The following HECW2 variants were observed in gnomAD, a reference collection of about 807,000 sequenced individuals.
HECW2 encodes the protein HECT, C2 and WW domain containing E3 ubiquitin protein ligase 2, also known as E3 ubiquitin-protein ligase HECW2.
A neutral mutation model predicts 175.2 loss-of-function variants in HECW2; 61 were observed. The ratio of observed to expected loss-of-function variants is 0.35; its 90% confidence interval spans 0.28 to 0.43. The LOEUF is 0.43. Ranked by LOEUF, HECW2 falls within the 20% of genes least tolerant of loss-of-function variation. The pLI is 1.00. For missense variants in HECW2, 1,524 were observed against 2,000.5 expected (o/e 0.76, Z 4.54); for synonymous variants, 671 against 731.0 (o/e 0.92, Z 1.32).
intron 17 of HECW2, among the ~76,000 whole-genome samples, chr2:196,265,602 A>C (rs887651391): frequency 1.3e-5 from 2 of 152,188 alleles, no homozygotes; most frequent in Non-Finnish European, 2.9e-5. Context: ...TGGTTTTTAG[A>C]ATTAGAGTAA....
At chr2:196,572,048 T>C (rs1690407385) in intron 1 of HECW2, among the ~76,000 whole-genome samples, 1 of 152,210 alleles carries the variant, frequency 6.6e-6, no homozygotes, top group Non-Finnish European at 1.5e-5. Flanking sequence ...AAATACTGTA[T>C]GAGTCCACTT....
At chr2:196,249,099 A>T (rs1174865246) in intron 19 of HECW2, among the ~76,000 whole-genome samples, 1 of 152,214 alleles carries the variant, frequency 6.6e-6, no homozygotes, top group African/African-American at 2.4e-5. Flanking sequence ...ACAAATTCTC[A>T]TACAGTTAAA....
rs1416108300 is a variant in HECW2 at position 196,278,571 on chromosome 2, T to C, written c.3092A>G (p.His1031Arg). Residue 1031 changes from histidine to arginine, a missense_variant, in exon 15 of 29, where the codon CAT becomes CGT. By Grantham distance (29) the His-to-Arg change is conservative (BLOSUM62 0). This residue lies in a region of HECW2 where 291 missense variants were observed against 412.2 expected (regional missense o/e 0.71). Coordinates refer to ENST00000644978, the MANE Select transcript of HECW2 (RefSeq NM_001348768.2). ...GCGTTGCCTTGTCAGGTGTTGCCGA[T>C]GAACCAGCGCACTTGTGGGTCTACT... Reference protein sequence around the residue: ...QSSRPTSALVHRQHLTRQRSH... With the variant: ...QSSRPTSALVRRQHLTRQRSH... 13 of 1,614,172 alleles carry C rather than the reference T, an allele frequency of 8.1e-6. No homozygotes were observed. Among genetic ancestry groups the C allele is most frequent in the Middle Eastern group, 1.6e-4 (1 of 6,062 alleles).
intron 24 of HECW2, among the ~76,000 whole-genome samples, chr2:196,221,861 C>T (rs1398528873): frequency 2.0e-5 from 3 of 152,196 alleles, no homozygotes; most frequent in African/African-American, 7.2e-5. Context: ...TGCCCAGCCA[C>T]CATTCTATAA....
At chr2:196,351,002 T>TTCA (rs1693151736) in intron 2 of HECW2, among the ~76,000 whole-genome samples, 1 of 152,198 alleles carries the variant, frequency 6.6e-6, no homozygotes, top group African/African-American at 2.4e-5. Context: ...CCTTCCACAG[T>TTCA]TCACATTTTT....
At chr2:196,477,606 A>ACCCC (rs1686690345) in intron 1 of HECW2, among the ~76,000 whole-genome samples, 1 of 152,210 alleles carries the variant, frequency 6.6e-6, no homozygotes, top group Admixed American at 6.5e-5. Context: ...CTTTTCAAAT[A>ACCCC]ATCACAAAAA....
chr2:196,544,943 G>A (rs889627810), intron 1 of HECW2, among the ~76,000 whole-genome samples: 5 of 152,178 alleles, frequency 3.3e-5, no homozygotes, highest in Non-Finnish European at 7.3e-5. Context: ...GAAACCCCAT[G>A]AGTTGCCACA....
chr2:196,205,989 G>A (rs2375683), intron 28 of HECW2, among the ~76,000 whole-genome samples: 1 of 151,960 alleles, frequency 6.6e-6, no homozygotes, highest in African/African-American at 2.4e-5. Flanking sequence ...TATGAGCCAA[G>A]GCCAGGAAAA....
intron 2 of HECW2, among the ~76,000 whole-genome samples, chr2:196,389,966 AC>A (rs1694458978): frequency 1.3e-5 from 2 of 151,962 alleles, no homozygotes; most frequent in South Asian, 4.2e-4. Context: ...GCCAGCCAAA[AC>A]CCTTTCTGAT....
intron 20 of HECW2, among the ~76,000 whole-genome samples, chr2:196,240,999 G>A (rs186642091): frequency 9.6e-4 from 104 of 108,466 alleles, no homozygotes; most frequent in African/African-American, 2.9e-3. Flanking sequence ...CAAGATGACT[G>A]TGAGAACAAA....
intron 28 of HECW2, among the ~76,000 whole-genome samples, chr2:196,206,465 A>T (rs1032899318): frequency 6.6e-6 from 1 of 152,266 alleles, no homozygotes; most frequent in Non-Finnish European, 1.5e-5. Context: ...CAAAAGTATC[A>T]GTTACATTTC....
chr2:196,514,206 A>G (rs1451531322), intron 1 of HECW2, among the ~76,000 whole-genome samples: 1 of 152,232 alleles, frequency 6.6e-6, no homozygotes, highest in African/African-American at 2.4e-5. Flanking sequence ...CTCCAATTTC[A>G]GAGCAAAGTT....
At chr2:196,413,189 C>CA (rs1299575067) in intron 2 of HECW2, among the ~76,000 whole-genome samples, 3 of 152,042 alleles carry the variant, frequency 2.0e-5, no homozygotes, top group African/African-American at 4.8e-5. Context: ...CCTGTCACTA[C>CA]AAAAAAATTA....
In HECW2 at chr2:196,355,938, G is replaced by T. The variant is rs192610281; in HGVS notation, c.293-12174C>A. ...GAAGCATTTGAACAGGAACCTGAAT[G>T]AAGCAGGGGACTGAACCACAGGGAG... is the stretch of plus-strand genomic sequence containing the variant. On this transcript the variant is annotated intron_variant, in intron 2 of 28. Transcript: ENST00000644978. Among the ~76,000 whole-genome samples, 6 of 152,296 alleles carry T rather than the reference G, an allele frequency of 3.9e-5. No homozygotes were observed. The East Asian group carries it at 1.2e-3, about 29-fold the overall frequency.
intron 2 of HECW2, among the ~76,000 whole-genome samples, chr2:196,409,633 G>T (rs1182296281): frequency 2.0e-5 from 3 of 152,148 alleles, no homozygotes; most frequent in African/African-American, 7.2e-5. Flanking sequence ...GTTTCAGACA[G>T]CCTCCAGCTG....
At chr2:196,449,083 A>C (rs981847806) in intron 1 of HECW2, among the ~76,000 whole-genome samples, 1 of 152,158 alleles carries the variant, frequency 6.6e-6, no homozygotes, top group East Asian at 1.9e-4. Flanking sequence ...TTATGTGTTA[A>C]AAAGGAAGAT....
At chr2:196,478,734 G>A (rs1043809977) in intron 1 of HECW2, among the ~76,000 whole-genome samples, 6 of 152,068 alleles carry the variant, frequency 3.9e-5, no homozygotes, top group Non-Finnish European at 7.4e-5. Flanking sequence ...TAAGGCCCTA[G>A]AAAGCTACCT....
At chr2:196,290,262 GATA>G (rs1690558283) in intron 14 of HECW2, 1 of 152,198 alleles carries the variant, frequency 6.6e-6, no homozygotes, top group Non-Finnish European at 1.5e-5. Context: ...ACATGGTTGA[GATA>G]ATGTTTACTC....
chr2:196,464,874 C>G (rs182918289), intron 1 of HECW2, among the ~76,000 whole-genome samples: 42 of 152,214 alleles, frequency 2.8e-4, no homozygotes, highest in African/African-American at 9.9e-4. Context: ...AACCCTGTCT[C>G]TACTAAAAAT....
Sources: gnomAD v4.1 joint callset for allele counts (sites outside exome capture counted in the v4.1 genomes callset) on GRCh38, gnomAD v4.1.1 for gene constraint, gnomAD v4.1.1 regional missense constraint, MANE v1.5 for transcripts, NCBI Gene and HGNC (gene_info 2026-07-23, HGNC 2026-07-21) for gene names.